SETD5: variants seen among roughly 807,000 people sequenced by gnomAD.
SETD5 encodes the protein histone-lysine N-methyltransferase SETD5.
A neutral mutation model predicts 153.3 loss-of-function variants in SETD5; 44 were observed. The ratio of observed to expected loss-of-function variants is 0.29; its 90% CI spans 0.23 to 0.37. The LOEUF is 0.37. SETD5 is among the 10% of genes least tolerant of loss of function. The pLI, the probability that SETD5 is intolerant of heterozygous loss-of-function variation, is 1.00. For missense variants in SETD5, 1,544 were observed against 1,768.0 expected (o/e 0.87, Z 2.27); for synonymous variants, 716 against 645.2 (o/e 1.11, Z -1.66).
At chr3:9,409,245 G>A (rs1490417761) in intron 1 of SETD5, among the ~76,000 whole-genome samples, 1 of 151,946 alleles carries the variant, frequency 6.6e-6, no homozygotes. Flanking sequence ...TTCATTTATT[G>A]TCCGGAATAC....
rs1352761350 is a variant in SETD5 at position 9,447,070 on chromosome 3, A to G, written c.1545A>G (p.Val515=). Residue 515 remains valine, a synonymous_variant, in exon 14 of 23, where the codon GTA becomes GTG. Transcript: ENST00000402198. ...TCTAGACCAGGGAAGATAGAAAGGT[A>G]GAAGCCATCATGCATGCTTTTGAAA... The part of the protein sequence containing the change: ...HSRRTREDRK[V]EAIMHAFENL... 1 of 1,612,842 alleles carries G rather than the reference A, an allele frequency of 6.2e-7. No individual in the cohort carries two copies. The highest frequency in any genetic ancestry group is 1.7e-5 in the Admixed American group (1 of 59,820).
At chr3:9,425,045 G>A (rs1050430713) in intron 2 of SETD5, among the ~76,000 whole-genome samples, 24 of 134,852 alleles carry the variant, frequency 1.8e-4, no homozygotes, top group Non-Finnish European at 3.3e-4. Flanking sequence ...TATAGTTACC[G>A]ACAATGTTTC....
chr3:9,445,028 T>C lies in SETD5; in HGVS notation c.1188-20T>C. ...TTCAAGGGTACTGAGACAGGCATTT[T>C]GGTTGTTTCTTTGGAGCAGTAATTA... On this transcript the variant is annotated intron_variant, in intron 11 of 22. Coordinates refer to ENST00000402198, the MANE Select transcript of SETD5 (RefSeq NM_001080517.3). The C allele has an allele frequency of 6.2e-7, 1 of 1,608,384 alleles. No individual in the cohort carries two copies. The highest frequency in any genetic ancestry group is 8.5e-7 in the Non-Finnish European group (1 of 1,176,702).
intron 17 of SETD5, among the ~76,000 whole-genome samples, chr3:9,458,267 A>G (rs966046948): frequency 1.3e-5 from 2 of 152,148 alleles, no homozygotes; most frequent in African/African-American, 4.8e-5. Context: ...CAAAAGAACT[A>G]CTAGGTCCTT....
intron 1 of SETD5, among the ~76,000 whole-genome samples, chr3:9,414,658 C>T (rs75836108): frequency 6.6e-6 from 1 of 151,990 alleles, no homozygotes; most frequent in East Asian, 1.9e-4. Flanking sequence ...ACTAGTTCTC[C>T]GTAGTGTATT....
In SETD5 at chr3:9,434,582, T is replaced by C; in HGVS notation, c.329+97T>C. The C allele has an allele frequency of 6.4e-7, 1 of 1,552,876 alleles. No homozygotes were observed. Among genetic ancestry groups the C allele is most frequent in the East Asian group, 2.3e-5 (1 of 43,164 alleles). ...TCAAAGTATTCTTTCTTGTGTTTGT[T>C]AATGTAGATGATTCCTTAGTGCTCC... On this transcript the variant is annotated intron_variant, in intron 5 of 22. Transcript: ENST00000402198. The surrounding 1 kb of genome is among the most constrained non-coding windows in gnomAD (Gnocchi z 5.6).
At chr3:9,453,025 A>G (rs2042810759) in intron 16 of SETD5, among the ~76,000 whole-genome samples, 1 of 152,146 alleles carries the variant, frequency 6.6e-6, no homozygotes, top group African/African-American at 2.4e-5. Context: ...TATCTGGCCT[A>G]AATTTATTTC....
chr3:9,408,294 T>G (rs2036043287), intron 1 of SETD5, among the ~76,000 whole-genome samples: 1 of 152,224 alleles, frequency 6.6e-6, no homozygotes. Context: ...ATGAGCAGTT[T>G]TTCGAATGTC....
intron 17 of SETD5, 144 bp downstream of exon 17, chr3:9,454,012 G>C (rs757753982): frequency 1.0e-5 from 10 of 963,632 alleles, no homozygotes; most frequent in Non-Finnish European, 1.4e-5. Flanking sequence ...CAGAGGAAGA[G>C]AGAGATCTCA....
chr3:9,429,644 T>G (rs2039738038), intron 3 of SETD5, among the ~76,000 whole-genome samples: 1 of 152,198 alleles, frequency 6.6e-6, no homozygotes, highest in African/African-American at 2.4e-5. Context: ...TCTTGAAGAA[T>G]GTAAATGCCA....
intron 18 of SETD5, among the ~76,000 whole-genome samples, chr3:9,469,927 C>A (rs1376454250): frequency 6.6e-6 from 1 of 152,110 alleles, no homozygotes; most frequent in Non-Finnish European, 1.5e-5. Context: ...TCTTTAATGC[C>A]ATCCTCCTTT....
chr3:9,448,750 G>C, intron 16 of SETD5, 120 bp downstream of exon 16: 1 of 984,482 alleles, frequency 1.0e-6, no homozygotes, highest in Non-Finnish European at 1.4e-6. Flanking sequence ...CTCTGCCCAT[G>C]TGAGTTTATA....
intron 16 of SETD5, chr3:9,449,589 C>A (rs2042393779): frequency 6.6e-6 from 1 of 152,212 alleles, no homozygotes; most frequent in South Asian, 2.1e-4. Flanking sequence ...GTCTCCAACT[C>A]CAGGCAGGTC....
intron 1 of SETD5, chr3:9,398,318 C>G (rs941250658): frequency 6.6e-6 from 1 of 152,106 alleles, no homozygotes; most frequent in South Asian, 2.1e-4. Flanking sequence ...GAGGAGAGGC[C>G]TCTTGCTGCC....
Position 9,425,055 on chromosome 3 carries a change from C to CTTTTTTTTTTT in SETD5, c.-117+542_-117+552dup, listed in dbSNP as rs778883904. 2.2e-4 allele frequency among the ~76,000 whole-genome samples: 18 copies of CTTTTTTTTTTT among 83,642 alleles called. 1 individual carries two copies. Among genetic ancestry groups the CTTTTTTTTTTT allele is most frequent in the African/African-American group, 4.4e-4 (9 of 20,436 alleles). 54.9% of individuals were successfully genotyped at this position (83,642 alleles called of 152,430 possible). On this transcript the variant is annotated intron_variant, in intron 2 of 22. Coordinates refer to ENST00000402198, the MANE Select transcript of SETD5 (RefSeq NM_001080517.3). ...AAATTTATAGTTACCGACAATGTTT[C>CTTTTTTTTTTT]TTTTTTTTTTTTTTTTTTTTTTTGA...
chr3:9,441,199 A>G (rs1247861769), intron 8 of SETD5, among the ~76,000 whole-genome samples: 2 of 152,140 alleles, frequency 1.3e-5, no homozygotes, highest in Admixed American at 1.3e-4. Flanking sequence ...AAAGAGTGAG[A>G]CCCTGGCTCT....
At chr3:9,430,044 T>A in intron 3 of SETD5, 1 of 1,093,676 alleles carries the variant, frequency 9.1e-7, no homozygotes, top group East Asian at 8.8e-5. Flanking sequence ...AGCCACTTCT[T>A]GAGTGAGGTG....
chr3:9,418,803 C>CAA (rs111449253), intron 1 of SETD5, among the ~76,000 whole-genome samples: 6 of 136,386 alleles, frequency 4.4e-5, no homozygotes, highest in Non-Finnish European at 6.3e-5. Flanking sequence ...AACTCCGTCT[C>CAA]AAAAAAAAAA....
intron 1 of SETD5, among the ~76,000 whole-genome samples, chr3:9,403,476 T>G (rs1034094634): frequency 5.9e-5 from 9 of 152,210 alleles, no homozygotes; most frequent in Admixed American, 3.3e-4. Flanking sequence ...TTGTTTCCCT[T>G]TATGAAATAG....
Sources: allele counts gnomAD v4.1 joint callset (sites outside exome capture counted in the v4.1 genomes callset), GRCh38; gene constraint gnomAD v4.1.1; non-coding constraint Gnocchi (gnomAD v3.1); transcripts MANE v1.5; gene names NCBI Gene and HGNC (gene_info 2026-07-23, HGNC 2026-07-21).